Variants in TIAM2 observed in about 807,000 individuals in gnomAD.
TIAM2 encodes the protein TIAM Rac1 associated GEF 2.
A neutral mutation model predicts 152.9 loss-of-function variants in TIAM2; 80 were observed. The observed-to-expected ratio is 0.52, with a 90% CI of 0.44 to 0.63. The LOEUF (loss-of-function observed/expected upper bound fraction) is 0.63. Ranked by LOEUF, TIAM2 falls within the 30% of genes least tolerant of loss-of-function variation. TIAM2 has a pLI of 0.00. For synonymous variants in TIAM2, 804 were observed against 838.0 expected, an observed-to-expected ratio of 0.96 and a Z score of 0.70; for missense variants, 1,965 against 2,120.1, an observed-to-expected ratio of 0.93 and a Z score of 1.44.
chr6:155,257,140 T>C lies in TIAM2; in HGVS notation c.*19T>C. On this transcript the variant is annotated 3_prime_UTR_variant, in exon 27 of 27. Transcript: ENST00000682666. ...ATCATAGTATGATTCAATCCAGATATGGGTTAAATTCCTCATTTTACTTTT... is the reference window on the plus strand; with the variant it reads ...ATCATAGTATGATTCAATCCAGATACGGGTTAAATTCCTCATTTTACTTTT... 1 of 1,604,912 alleles carries C rather than the reference T, an allele frequency of 6.2e-7. No homozygotes were observed. Among genetic ancestry groups the C allele is most frequent in the Non-Finnish European group, 8.5e-7 (1 of 1,177,098 alleles).
chr6:155,144,922 C>T (rs2086977522), intron 6 of TIAM2, 144 bp downstream of exon 6: 1 of 893,974 alleles, frequency 1.1e-6, no homozygotes. Flanking sequence ...ATGTTGGCTT[C>T]CGCTGACTGC....
chr6:155,244,936 C>T, intron 18 of TIAM2, 153 bp downstream of exon 18: 4 of 1,015,406 alleles, frequency 3.9e-6, no homozygotes, highest in Non-Finnish European at 5.4e-6. Flanking sequence ...TTTCCTCTGT[C>T]AGGTGGTAAA....
At chr6:155,208,440 A>G (rs1781642944) in intron 14 of TIAM2, among the ~76,000 whole-genome samples, 1 of 151,968 alleles carries the variant, frequency 6.6e-6, no homozygotes, top group African/African-American at 2.4e-5. Flanking sequence ...CCTTGGCTTC[A>G]CTGCTATGGA....
Position 155,137,550 on chromosome 6 carries a change from A to C in TIAM2, c.1568A>C (p.Lys523Thr). The change falls in exon 5 of 27, where the codon AAG (lysine) becomes ACG (threonine). Residue 523 changes from lysine (K) to threonine (T), a missense_variant. Coordinates refer to ENST00000682666, the MANE Select transcript of TIAM2 (RefSeq NM_012454.4). ...LFFKPLVTVQ[K>T]ERKLELVARR... ...TTCAAGCCCCTGGTCACTGTGCAGA[A>C]GGAAAGGAAGCTTGAGCTGGTGGCA... is the stretch of plus-strand genomic sequence containing the variant. 3 of 1,613,034 alleles carry C rather than the reference A, an allele frequency of 1.9e-6. No homozygotes were observed. The highest frequency in any genetic ancestry group is 2.5e-6 in the Non-Finnish European group (3 of 1,179,962).
At chr6:155,230,545 T>TGCCAGTCTC in intron 15 of TIAM2, among the ~76,000 whole-genome samples, 2 of 31,872 alleles carry the variant, frequency 6.3e-5, no homozygotes, top group Non-Finnish European at 1.2e-4. Flanking sequence ...AGGAGTGATT[T>TGCCAGTCTC]GTTCATCAAA....
chr6:155,124,221 A>G (rs953381579), intron 2 of TIAM2, among the ~76,000 whole-genome samples: 1 of 151,972 alleles, frequency 6.6e-6, no homozygotes, highest in African/African-American at 2.4e-5. Flanking sequence ...GAGTTTCACC[A>G]TTTTGGCCAG....
chr6:155,161,330 C>T (rs1380091406), intron 7 of TIAM2, among the ~76,000 whole-genome samples: 1 of 152,088 alleles, frequency 6.6e-6, no homozygotes, highest in East Asian at 1.9e-4. Flanking sequence ...AAGTGCATGC[C>T]ACCATGCTTG....
chr6:155,183,514 C>A lies in TIAM2; in HGVS notation c.3064+14C>A. 1 of 1,595,360 alleles carries A rather than the reference C, an allele frequency of 6.3e-7. No homozygotes were observed. Among genetic ancestry groups the A allele is most frequent in the South Asian group, 1.1e-5 (1 of 88,538 alleles). ...ATACAGCCAATGGTAAGGCTTTGTT[C>A]TGTCTTCCTTCTTAACTGCTGGTAT... On this transcript the variant is annotated intron_variant, in intron 14 of 26. Transcript: ENST00000682666.
intron 1 of TIAM2, among the ~76,000 whole-genome samples, chr6:155,018,986 G>A (rs1428302842): frequency 8.0e-5 from 12 of 150,106 alleles, no homozygotes; most frequent in African/African-American, 1.2e-4. Flanking sequence ...GTTACAGTGA[G>A]CTGAGATCGT....
intron 1 of TIAM2, among the ~76,000 whole-genome samples, chr6:155,065,928 C>T (rs959503304): frequency 6.6e-6 from 1 of 152,118 alleles, no homozygotes; most frequent in Non-Finnish European, 1.5e-5. Flanking sequence ...TTAGTAACTC[C>T]CAAGTTGTAT....
At chr6:155,086,830 C>T (rs899813106) in intron 1 of TIAM2, among the ~76,000 whole-genome samples, 4 of 151,970 alleles carry the variant, frequency 2.6e-5, no homozygotes, top group Admixed American at 2.0e-4. Context: ...ATATTAATCA[C>T]GTTGTATTAG....
intron 14 of TIAM2, among the ~76,000 whole-genome samples, chr6:155,202,202 G>C (rs1781487179): frequency 6.6e-6 from 1 of 151,946 alleles, no homozygotes; most frequent in Non-Finnish European, 1.5e-5. Context: ...TTCCCTCTCA[G>C]TTATTTCTAT....
chr6:155,231,357 C>G (rs1002386126), intron 15 of TIAM2, among the ~76,000 whole-genome samples: 9 of 152,316 alleles, frequency 5.9e-5, no homozygotes, highest in African/African-American at 2.2e-4. Context: ...ATATGGGGCT[C>G]TTTGGAGCAG....
chr6:154,997,717 C>T (rs1206232246), intron 1 of TIAM2, among the ~76,000 whole-genome samples: 1 of 146,448 alleles, frequency 6.8e-6, no homozygotes, highest in Admixed American at 7.0e-5. Flanking sequence ...CTCAGCTCAC[C>T]GCAGCCTCAG....
At chr6:155,126,791 C>A (rs990831241) in intron 2 of TIAM2, among the ~76,000 whole-genome samples, 11 of 151,304 alleles carry the variant, frequency 7.3e-5, no homozygotes, top group African/African-American at 2.7e-4. Flanking sequence ...CCATGTTTGA[C>A]CACAATTACA....
At chr6:155,036,303 C>T (rs546776212) in intron 1 of TIAM2, among the ~76,000 whole-genome samples, 13 of 151,930 alleles carry the variant, frequency 8.6e-5, no homozygotes, top group African/African-American at 2.7e-4. Flanking sequence ...GAGGCCAAGG[C>T]GGGAAGATCA....
At chr6:155,177,042 G>A in intron 10 of TIAM2, 65 bp downstream of exon 10, 1 of 1,519,488 alleles carries the variant, frequency 6.6e-7, no homozygotes, top group Non-Finnish European at 8.9e-7. Flanking sequence ...GCAATCTTAT[G>A]CCTTCTAAAT....
At chr6:155,038,458 G>T (rs1033746844) in intron 1 of TIAM2, among the ~76,000 whole-genome samples, 1 of 152,202 alleles carries the variant, frequency 6.6e-6, no homozygotes, top group Non-Finnish European at 1.5e-5. Flanking sequence ...CTAGTTGGAG[G>T]TGGGATACAT....
intron 14 of TIAM2, among the ~76,000 whole-genome samples, chr6:155,197,521 A>G (rs977462535): frequency 7.9e-5 from 12 of 152,074 alleles, no homozygotes; most frequent in African/African-American, 2.7e-4. Context: ...TTAGCTCCAT[A>G]TGGATGTTCT....
Sources: gnomAD v4.1 joint callset for allele counts (sites outside exome capture counted in the v4.1 genomes callset) on GRCh38, gnomAD v4.1.1 for gene constraint, MANE v1.5 for transcripts, NCBI Gene and HGNC (gene_info 2026-07-23, HGNC 2026-07-21) for gene names.